The following PIK3CB variants were observed in gnomAD, a reference collection of about 807,000 sequenced individuals.
PIK3CB encodes the protein phosphatidylinositol-4,5-bisphosphate 3-kinase catalytic subunit beta.
PIK3CB carries 39 observed loss-of-function variants against 136.8 expected under a neutral mutation model. That is an observed-to-expected ratio of 0.29 (90% CI 0.22 to 0.37). The LOEUF is 0.37. Among genes scored for constraint, PIK3CB ranks in the 10% least tolerant of loss-of-function variants. The probability of loss-of-function intolerance (pLI) is 1.00; values close to 1 mark genes in which losing one functional copy is unlikely to be tolerated. For missense variants in PIK3CB, 868 were observed against 1,275.4 expected (o/e 0.68, Z 4.87); for synonymous variants, 428 against 436.6 (o/e 0.98, Z 0.25).
At chr3:138,677,324 G>T (rs2043668305) in intron 19 of PIK3CB, among the ~76,000 whole-genome samples, 1 of 152,114 alleles carries the variant, frequency 6.6e-6, no homozygotes, top group Non-Finnish European at 1.5e-5. Context: ...CTCTCAAAGT[G>T]CTGGGTTACA....
chr3:138,806,048 G>A (rs2046230948), intron 1 of PIK3CB, among the ~76,000 whole-genome samples: 1 of 151,814 alleles, frequency 6.6e-6, no homozygotes, highest in Non-Finnish European at 1.5e-5. Context: ...ATTTTTAAAG[G>A]ATTCTTCCCC....
chr3:138,757,336 G>A (rs1448502644), intron 3 of PIK3CB, among the ~76,000 whole-genome samples: 2 of 151,804 alleles, frequency 1.3e-5, no homozygotes, highest in Admixed American at 6.6e-5. Flanking sequence ...CCCAGGAGGC[G>A]GAGGTTGCAG....
intron 12 of PIK3CB, among the ~76,000 whole-genome samples, 188 bp downstream of exon 12, chr3:138,704,255 G>A (rs2044317160): frequency 6.6e-6 from 1 of 152,164 alleles, no homozygotes; most frequent in South Asian, 2.1e-4. Flanking sequence ...CTTGCCCACT[G>A]AACCCAGATC....
At position 138,796,446 on chromosome 3, in the gene PIK3CB, CA is replaced by C. The variant is rs995240018; in HGVS notation, c.-17+16del. The C allele has an allele frequency of 7.9e-6, 1 of 126,148 alleles. No homozygotes were observed. The highest frequency in any genetic ancestry group is 2.9e-5 in the African/African-American group (1 of 34,364). 7.8% of individuals were successfully genotyped at this position (126,148 alleles called of 1,614,324 possible). ...ACCAATATATAAGTAATTAAAAATACAAAATTGGATACTTACCTAAGAATGG... is the reference window on the plus strand; with the variant it reads ...ACCAATATATAAGTAATTAAAAATACAAATTGGATACTTACCTAAGAATGG... On this transcript the variant is annotated intron_variant, in intron 2 of 23. Transcript: ENST00000674063.
At chr3:138,781,306 C>A (rs1414011554) in intron 2 of PIK3CB, among the ~76,000 whole-genome samples, 6 of 147,814 alleles carry the variant, frequency 4.1e-5, no homozygotes, top group African/African-American at 7.5e-5. Context: ...AAAAAAAAAA[C>A]AACAAAAAAC....
intron 19 of PIK3CB, among the ~76,000 whole-genome samples, chr3:138,679,247 T>C (rs1464883740): frequency 6.6e-6 from 1 of 152,176 alleles, no homozygotes; most frequent in African/African-American, 2.4e-5. Flanking sequence ...ATATACTTGA[T>C]ACAATAACAA....
At chr3:138,670,246 A>T (rs1215006682) in intron 19 of PIK3CB, among the ~76,000 whole-genome samples, 1 of 152,220 alleles carries the variant, frequency 6.6e-6, no homozygotes, top group Non-Finnish European at 1.5e-5. Context: ...AGGCTGATGG[A>T]ACTAAGAATG....
At chr3:138,743,800 A>G (rs529944529) in intron 4 of PIK3CB, among the ~76,000 whole-genome samples, 65 of 152,214 alleles carry the variant, frequency 4.3e-4, no homozygotes, top group South Asian at 1.0e-3. Context: ...GGCTCAAGCA[A>G]TCCTCCCACC....
intron 5 of PIK3CB, among the ~76,000 whole-genome samples, chr3:138,741,637 T>C (rs1433360024): frequency 6.6e-6 from 1 of 152,004 alleles, no homozygotes; most frequent in Non-Finnish European, 1.5e-5. Context: ...GAGACTAGCC[T>C]GCCAACATGA....
chr3:138,739,263 G>A (rs2045185305), intron 5 of PIK3CB, among the ~76,000 whole-genome samples: 2 of 151,952 alleles, frequency 1.3e-5, no homozygotes, highest in South Asian at 4.2e-4. Flanking sequence ...GGCCAACATG[G>A]TGAAACCCTG....
At chr3:138,699,521 G>A (rs2044205018) in intron 12 of PIK3CB, among the ~76,000 whole-genome samples, 1 of 151,914 alleles carries the variant, frequency 6.6e-6, no homozygotes, top group East Asian at 1.9e-4. Context: ...AAAGGATAAT[G>A]AGGTGGAGAC....
intron 2 of PIK3CB, among the ~76,000 whole-genome samples, chr3:138,783,084 T>C (rs1352595323): frequency 6.6e-6 from 1 of 152,198 alleles, no homozygotes; most frequent in Non-Finnish European, 1.5e-5. Context: ...AGCAAATCAT[T>C]CACTCCTGCT....
chr3:138,831,836 A>C (rs1934054103), intron 1 of PIK3CB, among the ~76,000 whole-genome samples: 2 of 152,012 alleles, frequency 1.3e-5, no homozygotes, highest in South Asian at 2.1e-4. Flanking sequence ...GAGGCAGGAG[A>C]ATCGCTTGAA....
intron 3 of PIK3CB, among the ~76,000 whole-genome samples, chr3:138,758,920 AC>A (rs986083248): frequency 5.3e-5 from 8 of 152,308 alleles, no homozygotes; most frequent in African/African-American, 1.7e-4. Flanking sequence ...ACCAAAAATC[AC>A]ATTTTTAAAA....
chr3:138,811,283 T>C lies in PIK3CB; in HGVS notation c.-121-14716A>G, dbSNP rs574973605. On this transcript the variant is annotated intron_variant, in intron 1 of 23. Transcript: ENST00000674063. ...AAAAAAAAAGTCTAAGACACTGTCATGGCACCACTAAGGACAACTAAAAAA... is the reference window on the plus strand; with the variant it reads ...AAAAAAAAAGTCTAAGACACTGTCACGGCACCACTAAGGACAACTAAAAAA... 4.2e-5 allele frequency among the ~76,000 whole-genome samples: 6 copies of C among 141,644 alleles called. No individual in the cohort carries two copies. In the South Asian group the frequency reaches 1.1e-3, roughly 26 times the overall value. 92.9% of individuals were successfully genotyped at this position (141,644 alleles called of 152,430 possible).
intron 13 of PIK3CB, among the ~76,000 whole-genome samples, chr3:138,698,630 G>A (rs914397923): frequency 1.3e-5 from 2 of 152,080 alleles, no homozygotes; most frequent in Non-Finnish European, 1.5e-5. Flanking sequence ...AGGTACCCAC[G>A]TCTTAGAAAG....
intron 7 of PIK3CB, 87 bp from the exon 8 acceptor site, chr3:138,733,525 G>A (rs1391763983): frequency 3.1e-6 from 2 of 641,728 alleles, no homozygotes; most frequent in African/African-American, 3.7e-5. Flanking sequence ...CAGTTCTAAT[G>A]TCTATTGGCA....
At chr3:138,694,741 C>G (rs754577023) in intron 14 of PIK3CB, 45 bp downstream of exon 14, 2 of 1,600,746 alleles carry the variant, frequency 1.2e-6, no homozygotes, top group South Asian at 1.1e-5. Flanking sequence ...CCCAAACCCA[C>G]CCAAGTTATT....
At chr3:138,774,047 T>C (rs957384051) in intron 2 of PIK3CB, among the ~76,000 whole-genome samples, 2 of 152,236 alleles carry the variant, frequency 1.3e-5, no homozygotes, top group Admixed American at 1.3e-4. Flanking sequence ...CCTTTGAAGA[T>C]ATAACTAAGG....
Sources: gnomAD v4.1 joint callset for allele counts (sites outside exome capture counted in the v4.1 genomes callset) on GRCh38, gnomAD v4.1.1 for gene constraint, MANE v1.5 for transcripts, NCBI Gene and HGNC (gene_info 2026-07-23, HGNC 2026-07-21) for gene names.